ZMPSTE24: variants seen among roughly 807,000 people sequenced by gnomAD.
ZMPSTE24 encodes the protein zinc metallopeptidase STE24, also known as CAAX prenyl protease 1 homolog.
In ZMPSTE24, 48 loss-of-function variants were observed where a neutral mutation model predicts 56.7. The ratio of observed to expected loss-of-function variants is 0.85; its 90% CI spans 0.67 to 1.08. The LOEUF is 1.08. ZMPSTE24 is among the 50% of genes least tolerant of loss of function. The pLI is 0.00. For synonymous variants in ZMPSTE24, 172 were observed against 195.2 expected (o/e 0.88, Z 0.99); for missense variants, 503 against 548.7 (o/e 0.92, Z 0.83).
intron 4 of ZMPSTE24, among the ~76,000 whole-genome samples, chr1:40,269,372 G>C (rs1421685129): frequency 2.6e-5 from 4 of 151,932 alleles, no homozygotes; most frequent in Admixed American, 2.6e-4. Context: ...TCCAACCTGG[G>C]CAACAGAGCC....
In ZMPSTE24 at chr1:40,291,013, T is replaced by C; in HGVS notation, c.1203+16T>C. The stretch of plus-strand genomic sequence containing the variant: ...TTACAATGAGGTAATGTATGATCTT[T>C]AAAATTATCACACATATGCTCTTGC... On this transcript the variant is annotated intron_variant, in intron 9 of 9. Coordinates refer to ENST00000372759, the MANE Select transcript of ZMPSTE24 (RefSeq NM_005857.5). 2 of 1,613,310 alleles carry C rather than the reference T, an allele frequency of 1.2e-6. No homozygotes were observed. Among genetic ancestry groups the C allele is most frequent in the South Asian group, 1.1e-5 (1 of 91,000 alleles).
In ZMPSTE24 at chr1:40,290,939, A is replaced by G; in HGVS notation, c.1145A>G (p.Gln382Arg). 1 of 1,614,114 alleles carries G rather than the reference A, an allele frequency of 6.2e-7. No homozygotes were observed. The highest frequency in any genetic ancestry group is 2.2e-5 in the East Asian group (1 of 44,856). ...LFAAFGFYDS[Q>R]PTLIGLLIIF... ...GCTGCATTTGGTTTTTATGATAGCC[A>G]ACCCACTCTTATTGGACTATTGATC... Residue 382 changes from glutamine (Q) to arginine (R), a missense_variant, in exon 9 of 10, where the codon CAA becomes CGA. Gln to Arg is a conservative substitution (Grantham distance 43, BLOSUM62 1). Coordinates refer to ENST00000372759, the MANE Select transcript of ZMPSTE24 (RefSeq NM_005857.5).
chr1:40,263,767 C>T (rs538428511), intron 2 of ZMPSTE24, among the ~76,000 whole-genome samples: 3 of 147,930 alleles, frequency 2.0e-5, no homozygotes, highest in South Asian at 4.3e-4. Flanking sequence ...TACTTTCTAC[C>T]TGAGGGAACC....
chr1:40,287,423 A>G (rs2124594533), intron 8 of ZMPSTE24, among the ~76,000 whole-genome samples: 1 of 152,180 alleles, frequency 6.6e-6, no homozygotes, highest in Non-Finnish European at 1.5e-5. Flanking sequence ...CATGCTTGTA[A>G]TCCCGGCACT....
At position 40,290,450 on chromosome 1, in the gene ZMPSTE24, A is replaced by ATTTTTTTTTTTTTTTTTTTTTTTT. The variant is rs996301433; in HGVS notation, c.1060-399_1060-376dup. ...TACCTTTCTTAAAATCACACTATGA[A>ATTTTTTTTTTTTTTTTTTTTTTTT]TTTTTTTTTTTTTTTTTTTTTTTTT... On this transcript the variant is annotated intron_variant, in intron 8 of 9. Coordinates refer to ENST00000372759, the MANE Select transcript of ZMPSTE24 (RefSeq NM_005857.5). 9.7e-5 allele frequency among the ~76,000 whole-genome samples: 8 copies of ATTTTTTTTTTTTTTTTTTTTTTTT among 82,590 alleles called. 2 individuals carry two copies. The highest frequency in any genetic ancestry group is 1.3e-4 in the Non-Finnish European group (6 of 45,024). The allele number at this position is 82,590 out of a possible 152,430, so 54.2% of individuals were successfully genotyped here.
chr1:40,269,972 C>T lies in ZMPSTE24; in HGVS notation c.475-3C>T, dbSNP rs1643597069. 6.2e-7 allele frequency: 1 copy of T among 1,602,334 alleles called. No individual in the cohort carries two copies. Among genetic ancestry groups the T allele is most frequent in the East Asian group, 2.2e-5 (1 of 44,760 alleles). On this transcript the variant is annotated splice_region_variant and splice_polypyrimidine_tract_variant and intron_variant, in intron 4 of 9. Coordinates refer to ENST00000372759, the MANE Select transcript of ZMPSTE24 (RefSeq NM_005857.5). ...TTCTTGTGGTAATGTTTTCTTTTTGCAGACTTTGGGGTTCTTCATGAAAGA... is the reference window on the plus strand; with the variant it reads ...TTCTTGTGGTAATGTTTTCTTTTTGTAGACTTTGGGGTTCTTCATGAAAGA...
intron 8 of ZMPSTE24, among the ~76,000 whole-genome samples, chr1:40,288,246 G>A (rs1237169813): frequency 1.3e-5 from 2 of 152,166 alleles, no homozygotes; most frequent in African/African-American, 4.8e-5. Flanking sequence ...GAACTCCTGT[G>A]GGCACTTTCC....
At chr1:40,289,561 GCTCTAA>G (rs1643819506) in intron 8 of ZMPSTE24, among the ~76,000 whole-genome samples, 1 of 152,142 alleles carries the variant, frequency 6.6e-6, no homozygotes, top group Non-Finnish European at 1.5e-5. Flanking sequence ...GCCTTCTTAT[GCTCTAA>G]GCCCCATTCT....
intron 1 of ZMPSTE24, among the ~76,000 whole-genome samples, chr1:40,260,185 C>T (rs1643482014): frequency 6.6e-6 from 1 of 151,104 alleles, no homozygotes; most frequent in African/African-American, 2.4e-5. Flanking sequence ...CTCAGCCCCC[C>T]AAATAGCTGG....
At chr1:40,261,550 C>T (rs1427006951) in intron 2 of ZMPSTE24, among the ~76,000 whole-genome samples, 2 of 152,090 alleles carry the variant, frequency 1.3e-5, no homozygotes, top group Non-Finnish European at 2.9e-5. Context: ...CCACACTGTA[C>T]CTGGCCTGAT....
chr1:40,259,573 A>G (rs1643474401), intron 1 of ZMPSTE24: 1 of 152,214 alleles, frequency 6.6e-6, no homozygotes, highest in Admixed American at 6.5e-5. Context: ...TATTTTTAGT[A>G]GAGACGGGGT....
intron 6 of ZMPSTE24, among the ~76,000 whole-genome samples, chr1:40,278,766 C>A (rs1188613650): frequency 6.6e-6 from 1 of 152,034 alleles, no homozygotes; most frequent in Non-Finnish European, 1.5e-5. Flanking sequence ...CAACTCACTG[C>A]ACATTGTAGG....
chr1:40,278,661 C>T lies in ZMPSTE24; in HGVS notation c.770-2682C>T, dbSNP rs557012922. ...TCGCTTCATAAATAGGAAACTAAAG[C>T]TTAAAGAAATTAAGAAAGTTTTCTA... On this transcript the variant is annotated intron_variant, in intron 6 of 9. Transcript: ENST00000372759. Among the ~76,000 whole-genome samples the T allele has an allele frequency of 2.3e-3, 342 of 148,894 alleles. 1 individual carries two copies. Among genetic ancestry groups the T allele is most frequent in the African/African-American group, 8.3e-3 (336 of 40,428 alleles).
intron 6 of ZMPSTE24, among the ~76,000 whole-genome samples, chr1:40,274,744 A>G (rs750341653): frequency 1.2e-4 from 18 of 152,186 alleles, no homozygotes; most frequent in Non-Finnish European, 2.5e-4. Context: ...GGGCTACTGT[A>G]TGGAGAATAT....
rs142110591 is a variant in ZMPSTE24, at chr1:40,279,849, C to T, written c.770-1494C>T. Among the ~76,000 whole-genome samples, 182 of 152,194 alleles carry T rather than the reference C, an allele frequency of 1.2e-3. 3 individuals carry two copies. In the East Asian group the frequency reaches 0.033, roughly 27 times the overall value. On this transcript the variant is annotated intron_variant, in intron 6 of 9. Transcript: ENST00000372759. ...AGAAAGCTATAGTGGATCAGACTGG[C>T]AGCAGACCACCAAACAGTGACCATG...
In ZMPSTE24 at chr1:40,292,525, T is replaced by TA; in HGVS notation, c.1287dup (p.Asp430ArgfsTer10). ...CATTTGCCAAGAAACTTGGGAAGGC[T>TA]AAAGACTTATATTCTGCTTTAATCA... On this transcript the variant is annotated frameshift_variant, in exon 10 of 10. Transcript: ENST00000372759. LOFTEE classifies it high-confidence loss of function. The TA allele has an allele frequency of 6.2e-7, 1 of 1,614,196 alleles. No homozygotes were observed. The highest frequency in any genetic ancestry group is 2.2e-5 in the East Asian group (1 of 44,876).
intron 6 of ZMPSTE24, among the ~76,000 whole-genome samples, chr1:40,280,874 A>G (rs1643722459): frequency 6.6e-6 from 1 of 152,254 alleles, no homozygotes; most frequent in Non-Finnish European, 1.5e-5. Flanking sequence ...ATGTATTCCA[A>G]TATCAAACAG....
At chr1:40,286,697 A>G (rs552710460) in intron 8 of ZMPSTE24, among the ~76,000 whole-genome samples, 1 of 148,656 alleles carries the variant, frequency 6.7e-6, no homozygotes, top group South Asian at 2.1e-4. Flanking sequence ...CTGGGATTAT[A>G]GGCGTGAACC....
chr1:40,263,309 A>G (rs1406772317), intron 2 of ZMPSTE24, among the ~76,000 whole-genome samples: 5 of 152,254 alleles, frequency 3.3e-5, no homozygotes, highest in African/African-American at 1.2e-4. Flanking sequence ...TTCACTTCAT[A>G]CATAGTTTTT....
Sources: allele counts gnomAD v4.1 joint callset (sites outside exome capture counted in the v4.1 genomes callset), GRCh38; gene constraint gnomAD v4.1.1; transcripts MANE v1.5; gene names NCBI Gene and HGNC (gene_info 2026-07-23, HGNC 2026-07-21).